Variants in NAV1 observed in about 807,000 individuals in gnomAD.
NAV1 encodes pore membrane and/or filament interacting like protein 3.
NAV1 carries 18 observed loss-of-function variants against 175.2 expected under a neutral mutation model. The ratio of observed to expected loss-of-function variants is 0.10; its 90% CI spans 0.07 to 0.15. The LOEUF is 0.15. Among genes scored for constraint, NAV1 ranks in the 10% least tolerant of loss-of-function variants. The probability of loss-of-function intolerance (pLI) is 1.00; values close to 1 mark genes in which losing one functional copy is unlikely to be tolerated. For missense variants in NAV1, 1,731 were observed against 2,436.6 expected (o/e 0.71, Z 6.10); for synonymous variants, 897 against 978.7 (o/e 0.92, Z 1.56).
At chr1:201,673,249 G>A (rs548866163) in intron 1 of NAV1, 1 of 152,366 alleles carries the variant, frequency 6.6e-6, no homozygotes, top group East Asian at 1.9e-4. Context: ...TGGGCAGGCA[G>A]GCCCCACAGA....
exon 4 of NAV1, chr1:201,780,545 A>G (rs143332140): frequency 1.9e-6 from 3 of 1,614,090 alleles, no homozygotes; most frequent in Non-Finnish European, 1.7e-6. Flanking sequence ...TTCTCGCAGG[A>G]ACTCAACAAT....
At chr1:201,809,132 T>C (rs758343426) in intron 20 of NAV1, 32 bp from the exon 25 acceptor site, 89 of 1,604,540 alleles carry the variant, frequency 5.5e-5, no homozygotes, top group Non-Finnish European at 7.3e-5. Context: ...CGGGTACTCC[T>C]AAAACCAGTT....
chr1:201,560,299 G>A (rs959740337), intron 1 of NAV1, among the ~76,000 whole-genome samples: 11 of 152,326 alleles, frequency 7.2e-5, no homozygotes, highest in African/African-American at 2.6e-4. Flanking sequence ...TTGATGGCAA[G>A]AGCAAAAGGT....
rs755965205 is a variant in NAV1 at position 201,812,024 on chromosome 1, C to T, written c.5024+50C>T. 2 of 1,534,564 alleles carry T rather than the reference C, an allele frequency of 1.3e-6. No homozygotes were observed. The highest frequency in any genetic ancestry group is 2.2e-5 in the East Asian group (1 of 44,482). On this transcript the variant is annotated intron_variant, in intron 26 of 29. Transcript: ENST00000367296. This position sits in a 1 kb window ranked among gnomAD's most constrained non-coding sequence, Gnocchi z 4.6. ...CCTTCTGACCCTACCCAAGAGTCTT[C>T]AATCCTGGACTCTGGCCAGGAGGCA...
intron 1 of NAV1, among the ~76,000 whole-genome samples, chr1:201,705,425 G>A (rs1028704794): frequency 6.6e-6 from 1 of 152,124 alleles, no homozygotes; most frequent in African/African-American, 2.4e-5. Flanking sequence ...GTGTCCCCAT[G>A]CAGCAAACAA....
rs139326575 is a variant in NAV1, at chr1:201,811,311, C to T, written c.4798-292C>T. ...GTTCAGATCTTTGCTCTTCCCAGCT[C>T]GGGGAGGCATGCCCATTAGTAGTAG... On this transcript the variant is annotated intron_variant, in intron 24 of 29. Transcript: ENST00000367296. Among the ~76,000 whole-genome samples the T allele has an allele frequency of 1.4e-4, 22 of 152,220 alleles. 2 individuals carry two copies. Among genetic ancestry groups the T allele is most frequent in the Admixed American group, 6.5e-4 (10 of 15,296 alleles).
Position 201,627,239 on chromosome 1 carries a change from T to C in NAV1, c.-100-2165T>C, listed in dbSNP as rs903972172. Among the ~76,000 whole-genome samples, 30 of 152,156 alleles carry C rather than the reference T, an allele frequency of 2.0e-4. No individual in the cohort carries two copies. The Middle Eastern group carries it at 0.01, about 52-fold the overall frequency. On this transcript the variant is annotated intron_variant, in intron 1 of 29. Transcript: ENST00000367302. ...CCTTCCAAAGCTCTGGGATTAACAG[T>C]TGTGAGCCACCACCCTGGCCTATTC...
chr1:201,789,638 C>A, intron 10 of NAV1, 102 bp from the exon 15 acceptor site: 2 of 1,057,500 alleles, frequency 1.9e-6, no homozygotes, highest in Non-Finnish European at 3.0e-6. Context: ...GCTCCAGATG[C>A]CCTCCAGAAT....
At chr1:201,815,772 C>T (rs1678990601) in intron 28 of NAV1, among the ~76,000 whole-genome samples, 1 of 152,112 alleles carries the variant, frequency 6.6e-6, no homozygotes, top group African/African-American at 2.4e-5. Flanking sequence ...GAGTTTCACT[C>T]TTGTTGCCCA....
chr1:201,749,334 C>T (rs1673961540), intron 3 of NAV1, among the ~76,000 whole-genome samples: 1 of 152,196 alleles, frequency 6.6e-6, no homozygotes, highest in Admixed American at 6.5e-5. Flanking sequence ...TACTGAAAAG[C>T]AGCAAAAGTC....
exon 30 of NAV1, chr1:201,822,882 AC>A (rs1042354458): frequency 6.6e-6 from 1 of 152,434 alleles, no homozygotes; most frequent in Non-Finnish European, 1.5e-5. Context: ...TGGTGCTATA[AC>A]CCCTTGGGAC....
chr1:201,551,773 T>C (rs1368280235), intron 1 of NAV1, among the ~76,000 whole-genome samples: 1 of 152,206 alleles, frequency 6.6e-6, no homozygotes, highest in Non-Finnish European at 1.5e-5. Flanking sequence ...TTTCTCATTT[T>C]CTCATCAGAG....
chr1:201,605,558 C>T (rs1667651154), intron 2 of NAV1, among the ~76,000 whole-genome samples: 1 of 152,144 alleles, frequency 6.6e-6, no homozygotes, highest in South Asian at 2.1e-4. Context: ...AGCATAGAGG[C>T]ATTCATGTGA....
intron 1 of NAV1, among the ~76,000 whole-genome samples, chr1:201,552,707 C>A (rs1220222127): frequency 2.0e-5 from 3 of 152,100 alleles, no homozygotes; most frequent in Non-Finnish European, 4.4e-5. Flanking sequence ...ATTTGGATGC[C>A]CCGTGGCTCG....
intron 1 of NAV1, among the ~76,000 whole-genome samples, chr1:201,681,283 A>G (rs1172717105): frequency 6.6e-6 from 1 of 152,210 alleles, no homozygotes; most frequent in East Asian, 1.9e-4. Context: ...AATTCTGTGA[A>G]ACTTGTTAAT....
chr1:201,756,708 A>G (rs1674481730), intron 3 of NAV1, among the ~76,000 whole-genome samples: 1 of 152,176 alleles, frequency 6.6e-6, no homozygotes, highest in Admixed American at 6.5e-5. Flanking sequence ...CTCCAGACCA[A>G]TAGGTTTTCT....
At chr1:201,752,243 CACTGATCCCCCCCATGGTGAGGGTG>C (rs1228608732) in intron 3 of NAV1, among the ~76,000 whole-genome samples, 1 of 152,224 alleles carries the variant, frequency 6.6e-6, no homozygotes, top group Non-Finnish European at 1.5e-5. Flanking sequence ...AAGGCCGGAT[CACTGATCCCCCCCATGGTGAGGGTG>C]ACAACTCAAC....
chr1:201,629,372 C>T, intron 1 of NAV1, 32 bp from the exon 4 acceptor site: 1 of 1,285,796 alleles, frequency 7.8e-7, no homozygotes, highest in East Asian at 5.6e-5. Flanking sequence ...GACATCTCTA[C>T]CATGAGTGAC....
At chr1:201,803,406 T>C (rs183762001) in intron 15 of NAV1, among the ~76,000 whole-genome samples, 187 bp from the exon 20 acceptor site, 75 of 152,312 alleles carry the variant, frequency 4.9e-4, no homozygotes, top group African/African-American at 1.7e-3. Context: ...CTTTTGCACT[T>C]TTTCTATGTT....
Sources: gnomAD v4.1 joint callset for allele counts (sites outside exome capture counted in the v4.1 genomes callset) on GRCh38, gnomAD v4.1.1 for gene constraint, Gnocchi (gnomAD v3.1) non-coding constraint, MANE v1.5 for transcripts, NCBI Gene and HGNC (gene_info 2026-07-23, HGNC 2026-07-21) for gene names.